SYVN1: variants seen among roughly 807,000 people sequenced by gnomAD.
SYVN1 encodes synoviolin 1.
SYVN1 carries 17 observed loss-of-function variants against 62.6 expected under a neutral mutation model. The ratio of observed to expected loss-of-function variants is 0.27; its 90% CI spans 0.19 to 0.41. SYVN1 has a LOEUF of 0.41. SYVN1 is among the 10% of genes least tolerant of loss of function. SYVN1 has a pLI of 1.00. For synonymous variants in SYVN1, 316 were observed against 304.0 expected, an observed-to-expected ratio of 1.04 and a Z score of -0.41; for missense variants, 634 against 818.0, an observed-to-expected ratio of 0.78 and a Z score of 2.74.
chr11:65,133,385 A>C (rs1015699554), intron 2 of SYVN1, 85 bp downstream of exon 2: 1 of 1,588,880 alleles, frequency 6.3e-7, no homozygotes, highest in African/African-American at 1.3e-5. Flanking sequence ...TTCCCTACTT[A>C]CCTGACCTCT....
Position 65,128,516 on chromosome 11 carries a change from C to T in SYVN1, c.1748-28G>A, listed in dbSNP as rs748825797. 3.7e-6 allele frequency: 6 copies of T among 1,613,180 alleles called. No individual in the cohort carries two copies. The South Asian group carries it at 5.5e-5, about 15-fold the overall frequency. Reference sequence around the variant, plus strand: ...GGGGACAGAGAGACTGGAAGTGGAACCTAGAGAAGTTCCCTGCTCCCCCGG... The same window carrying T: ...GGGGACAGAGAGACTGGAAGTGGAATCTAGAGAAGTTCCCTGCTCCCCCGG... On this transcript the variant is annotated intron_variant, in intron 15 of 15. Transcript: ENST00000377190.
rs769767075 is a variant in SYVN1 at position 65,133,193 on chromosome 11, C to T, written c.192G>A (p.Val64=). ...VFLLGKVMGK[V]FFGQLRAAEM... is the part of the protein sequence containing the mutation. The stretch of plus-strand genomic sequence containing the variant: ...CTGCTGCCCTCAGTTGCCCAAAGAA[C>T]ACCTTGCCCATCACCTTGCCCAGAA... The change falls in exon 3 of 16, where the codon GTG becomes GTA. Residue 64 remains valine, a synonymous_variant. Transcript: ENST00000377190. The T allele has an allele frequency of 6.2e-7, 1 of 1,614,202 alleles. No homozygotes were observed. Among genetic ancestry groups the T allele is most frequent in the Non-Finnish European group, 8.5e-7 (1 of 1,180,034 alleles).
chr11:65,128,765 G>A (rs3802936), intron 14 of SYVN1, 51 bp from the exon 15 acceptor site: 584,502 of 1,528,506 alleles, frequency 0.38, 117,297 homozygotes, highest in Admixed American at 0.45. Flanking sequence ...TCCAAGGTTG[G>A]GCAGATTCTC....
chr11:65,132,765 T>G lies in SYVN1; in HGVS notation c.394A>C (p.Asn132His), dbSNP rs778522973. The change falls in exon 5 of 16, where the codon AAC becomes CAC. Residue 132 changes from asparagine to histidine, a missense_variant. By Grantham distance (68) the Asn-to-His change is moderately conservative. Around this residue, in one of 2 missense-constraint regions of SYVN1, gnomAD observed 283 missense variants for 444.7 expected, o/e 0.64. Coordinates refer to ENST00000377190, the MANE Select transcript of SYVN1 (RefSeq NM_172230.3). ...CGGCAGTGAAAGAGCCAGGAGATGT[T>G]GGGGCTGCGTTCCATCTGAGGCAGA... ...DRVDFMERSP[N>H]ISWLFHCRIV... The G allele has an allele frequency of 6.2e-7, 1 of 1,614,122 alleles. No homozygotes were observed. The highest frequency in any genetic ancestry group is 8.5e-7 in the Non-Finnish European group (1 of 1,180,012).
At position 65,128,261 on chromosome 11, in the gene SYVN1, T is replaced by C; in HGVS notation, c.*121A>G. On this transcript the variant is annotated 3_prime_UTR_variant, in exon 16 of 16. Coordinates refer to ENST00000377190, the MANE Select transcript of SYVN1 (RefSeq NM_172230.3). ...CTTGGCCTAGGGGATGCCGCCTCTT[T>C]CTCAGAGCTGGGGGTACTACTCCCT... 1 of 830,134 alleles carries C rather than the reference T, an allele frequency of 1.2e-6. No individual in the cohort carries two copies. Among genetic ancestry groups the C allele is most frequent in the Non-Finnish European group, 1.9e-6 (1 of 522,438 alleles). 51.4% of individuals were successfully genotyped at this position (830,134 alleles called of 1,614,324 possible). A position where few individuals can be genotyped will look rare whatever the true frequency, so the allele number is the denominator to read the frequency against.
rs1249275234 is a variant in SYVN1 at position 65,133,637 on chromosome 11, T to C, written c.-17-19A>G. 1 of 1,597,088 alleles carries C rather than the reference T, an allele frequency of 6.3e-7. No homozygotes were observed. The highest frequency in any genetic ancestry group is 1.7e-5 in the Admixed American group (1 of 59,590). On this transcript the variant is annotated intron_variant, in intron 1 of 15. Transcript: ENST00000377190. The stretch of plus-strand genomic sequence containing the variant: ...CGGAGACCTGCATGGGGCAAGAAAA[T>C]AACTTATGTGATGCTCGTGCTGTGC...
At chr11:65,133,653 C>T (rs760063532) in intron 1 of SYVN1, 35 bp from the exon 2 acceptor site, 1 of 1,573,080 alleles carries the variant, frequency 6.4e-7, no homozygotes, top group Admixed American at 1.7e-5. Flanking sequence ...ATGTGATGCT[C>T]GTGCTGTGCA....
In SYVN1 at chr11:65,131,045, G is replaced by T; in HGVS notation, c.825-9C>A. ...GGGTGGCATCTGGATACCTGGTTAG[G>T]ATGACAGGGGCTGTATCAGGTCCAG... On this transcript the variant is annotated splice_polypyrimidine_tract_variant and intron_variant, in intron 9 of 15. Transcript: ENST00000377190. 1 of 1,614,000 alleles carries T rather than the reference G, an allele frequency of 6.2e-7. No individual in the cohort carries two copies. The highest frequency in any genetic ancestry group is 8.5e-7 in the Non-Finnish European group (1 of 1,179,838).
At position 65,128,392 on chromosome 11, in the gene SYVN1, A is replaced by C; in HGVS notation, c.1844T>G (p.Val615Gly). ...TGGGCTGGGGCAGTGTCAGTGGGCAACAGGAGACTCCAGCTTCTGCAGGCG... is the reference window on the plus strand; with the variant it reads ...TGGGCTGGGGCAGTGTCAGTGGGCACCAGGAGACTCCAGCTTCTGCAGGCG... ...RRRLQKLESP[V>G]AH The change falls in exon 16 of 16, where the codon GTT (valine) becomes GGT (glycine). Residue 615 changes from valine (V) to glycine (G), a missense_variant. Coordinates refer to ENST00000377190, the MANE Select transcript of SYVN1 (RefSeq NM_172230.3). 1 of 1,612,936 alleles carries C rather than the reference A, an allele frequency of 6.2e-7. No homozygotes were observed. Among genetic ancestry groups the C allele is most frequent in the Non-Finnish European group, 8.5e-7 (1 of 1,179,712 alleles).
At position 65,128,535 on chromosome 11, in the gene SYVN1, C is replaced by T. The variant is rs772468157; in HGVS notation, c.1747+28G>A. ...GTGGAACCTAGAGAAGTTCCCTGCTCCCCCGGCTGGAGGCCAATCACACCT... is the reference window on the plus strand; with the variant it reads ...GTGGAACCTAGAGAAGTTCCCTGCTTCCCCGGCTGGAGGCCAATCACACCT... On this transcript the variant is annotated intron_variant, in intron 15 of 15. Transcript: ENST00000377190. The T allele has an allele frequency of 5.6e-6, 9 of 1,613,034 alleles. No homozygotes were observed. In the East Asian group the frequency reaches 1.3e-4, roughly 24 times the overall value.
rs776745234 is a variant in SYVN1 at position 65,127,410 on chromosome 11, CAG to C, written c.*970_*971del. The C allele has an allele frequency of 1.0e-4, 21 of 202,138 alleles. No homozygotes were observed. Among genetic ancestry groups the C allele is most frequent in the South Asian group, 2.4e-4 (2 of 8,424 alleles). 12.5% of individuals were successfully genotyped at this position (202,138 alleles called of 1,614,324 possible). A position where few individuals can be genotyped will look rare whatever the true frequency, so the allele number is the denominator to read the frequency against. On this transcript the variant is annotated 3_prime_UTR_variant, in exon 16 of 16. Coordinates refer to ENST00000377190, the MANE Select transcript of SYVN1 (RefSeq NM_172230.3). ...GTAACACAAAACCAAGGGGAAAAGA[CAG>C]GGGCAGGCAGGTCCCAGCTCCTGTG...
rs1270358380 is a variant in SYVN1 at position 65,128,905 on chromosome 11, C to G, written c.1596-191G>C. 6.3e-6 allele frequency: 4 copies of G among 630,886 alleles called. No homozygotes were observed. In the East Asian group the frequency reaches 1.1e-4, roughly 18 times the overall value. 39.1% of individuals were successfully genotyped at this position (630,886 alleles called of 1,614,324 possible). On this transcript the variant is annotated intron_variant, in intron 14 of 15. Coordinates refer to ENST00000377190, the MANE Select transcript of SYVN1 (RefSeq NM_172230.3). ...GACTGGACTCAAGGGCCAAATGATT[C>G]TATCCCTTAGCTGTAAGGTGCTTGC...
At chr11:65,129,614 T>G in intron 14 of SYVN1, 115 bp downstream of exon 14, 1 of 1,002,820 alleles carries the variant, frequency 1.0e-6, no homozygotes, top group Admixed American at 2.1e-5. Context: ...GGTGGGCCTG[T>G]AGATAGGCAG....
chr11:65,130,333 C>G lies in SYVN1; in HGVS notation c.1152G>C (p.Leu384=). ...GTGGAAAGGGGCCCATGGGGGGCCA[C>G]AGTGGGAACATGCCTGGAGGAAAAG... ...LPPFPPGMFP[L]WPPMGPFPPV... is the part of the protein sequence containing the mutation. Residue 384 remains leucine, a synonymous_variant, in exon 12 of 16, where the codon CTG becomes CTC. Coordinates refer to ENST00000377190, the MANE Select transcript of SYVN1 (RefSeq NM_172230.3). The G allele has an allele frequency of 6.4e-7, 1 of 1,573,408 alleles. No homozygotes were observed. The highest frequency in any genetic ancestry group is 8.6e-7 in the Non-Finnish European group (1 of 1,161,690).
chr11:65,132,881 C>T, intron 4 of SYVN1, 41 bp downstream of exon 4: 2 of 1,613,600 alleles, frequency 1.2e-6, no homozygotes, highest in Non-Finnish European at 1.7e-6. Context: ...CTGGCTACTC[C>T]CTGGCTTCCA....
rs1294291835 is a variant in SYVN1 at position 65,129,914 on chromosome 11, G to A, written c.1410C>T (p.Ala470=). The A allele has an allele frequency of 6.2e-7, 1 of 1,612,974 alleles. No homozygotes were observed. Among genetic ancestry groups the A allele is most frequent in the East Asian group, 2.2e-5 (1 of 44,846 alleles). Residue 470 remains alanine, a splice_region_variant and synonymous_variant, in exon 14 of 16, where the codon GCC becomes GCT. Coordinates refer to ENST00000377190, the MANE Select transcript of SYVN1 (RefSeq NM_172230.3). The part of the protein sequence containing the change: ...WMGMPLPPPF[A]FPPMPVPPAG... Reference sequence around the variant, plus strand: ...CAGGGGGCACAGGCATTGGGGGGAAGGCTGGAGAGAGAGAGGCTCAGTCTG... The same window carrying A: ...CAGGGGGCACAGGCATTGGGGGGAAAGCTGGAGAGAGAGAGGCTCAGTCTG...
Position 65,134,091 on chromosome 11 carries a change from G to A in SYVN1, c.-18+365C>T, listed in dbSNP as rs529117046. On this transcript the variant is annotated intron_variant, in intron 1 of 15. Coordinates refer to ENST00000377190, the MANE Select transcript of SYVN1 (RefSeq NM_172230.3). ...GGTGACAGCTGTGTTAGGGTGGGCA[G>A]TTCGGACGCCCGCCCTGCGGGAGCG... 1.4e-4 allele frequency among the ~76,000 whole-genome samples: 22 copies of A among 152,362 alleles called. No homozygotes were observed. In the South Asian group the frequency reaches 3.1e-3, roughly 21 times the overall value.
Position 65,133,497 on chromosome 11 carries a change from G to A in SYVN1, c.105C>T (p.Tyr35=), listed in dbSNP as rs1161772257. 6.2e-7 allele frequency: 1 copy of A among 1,613,874 alleles called. No individual in the cohort carries two copies. Among genetic ancestry groups the A allele is most frequent in the Non-Finnish European group, 8.5e-7 (1 of 1,180,036 alleles). ...LKHQFYPTVV[Y]LTKSSPSMAV... is the part of the protein sequence containing the mutation. ...CCATGCTGGGGCTGGACTTGGTCAGGTACACCACAGTGGGGTAGAACTGGT... is the reference window on the plus strand; with the variant it reads ...CCATGCTGGGGCTGGACTTGGTCAGATACACCACAGTGGGGTAGAACTGGT... Residue 35 remains tyrosine (Y), a synonymous_variant, in exon 2 of 16, where the codon TAC becomes TAT. Coordinates refer to ENST00000377190, the MANE Select transcript of SYVN1 (RefSeq NM_172230.3).
Position 65,129,918 on chromosome 11 carries a change from GGAGA to G in SYVN1, c.1409-7_1409-4del. ...GGGCACAGGCATTGGGGGGAAGGCT[GGAGA>G]GAGAGAGGCTCAGTCTGGGCTGCTG... On this transcript the variant is annotated splice_polypyrimidine_tract_variant and splice_region_variant and intron_variant, in intron 13 of 15. Coordinates refer to ENST00000377190, the MANE Select transcript of SYVN1 (RefSeq NM_172230.3). The G allele has an allele frequency of 1.2e-6, 2 of 1,612,752 alleles. No individual in the cohort carries two copies. Among genetic ancestry groups the G allele is most frequent in the Non-Finnish European group, 1.7e-6 (2 of 1,179,126 alleles).
Sources: gnomAD v4.1 joint callset for allele counts (sites outside exome capture counted in the v4.1 genomes callset) on GRCh38, gnomAD v4.1.1 for gene constraint, gnomAD v4.1.1 regional missense constraint, MANE v1.5 for transcripts, NCBI Gene and HGNC (gene_info 2026-07-23, HGNC 2026-07-21) for gene names.